UXS1: variants seen among roughly 807,000 people sequenced by gnomAD.
UXS1 encodes the protein UDP-glucuronate decarboxylase 1, also known as UDP-glucuronic acid decarboxylase 1.
UXS1 carries 33 observed loss-of-function variants against 62.6 expected under a neutral mutation model. The observed-to-expected ratio is 0.53, with a 90% confidence interval of 0.40 to 0.70. The LOEUF is 0.70. UXS1 is among the 30% of genes least tolerant of loss of function. The pLI is 0.00. For missense variants in UXS1, 434 were observed against 556.3 expected (o/e 0.78, Z 2.21); for synonymous variants, 213 against 206.8 (o/e 1.03, Z -0.26).
chr2:106,119,033 A>T (rs192305826), intron 9 of UXS1, among the ~76,000 whole-genome samples: 105 of 152,340 alleles, frequency 6.9e-4, no homozygotes, highest in African/African-American at 2.3e-3. Flanking sequence ...AAATCCTAAC[A>T]CACAAAGTTT....
chr2:106,111,998 G>A (rs1226224303), intron 10 of UXS1, among the ~76,000 whole-genome samples: 1 of 152,234 alleles, frequency 6.6e-6, no homozygotes, highest in African/African-American at 2.4e-5. Context: ...TCACCAGGCA[G>A]GCCTGGGGTG....
At chr2:106,154,398 C>T (rs1221531591) in intron 5 of UXS1, among the ~76,000 whole-genome samples, 4 of 152,188 alleles carry the variant, frequency 2.6e-5, no homozygotes, top group Non-Finnish European at 5.9e-5. Context: ...AATAGAGCCC[C>T]TACAGACATA....
chr2:106,143,648 G>A (rs1004746825), intron 6 of UXS1, among the ~76,000 whole-genome samples: 1 of 152,106 alleles, frequency 6.6e-6, no homozygotes, highest in Non-Finnish European at 1.5e-5. Context: ...TGTCAGCAGG[G>A]CTGTGTTCCT....
chr2:106,145,710 A>T (rs1681505872), intron 5 of UXS1, among the ~76,000 whole-genome samples: 1 of 152,244 alleles, frequency 6.6e-6, no homozygotes, highest in South Asian at 2.1e-4. Flanking sequence ...GATGCTGGAC[A>T]TAGCTCACGT....
Position 106,094,023 on chromosome 2 carries a change from A to C in UXS1, c.*3T>G. ...GTAGTCTTGTGTCCTAAAAGTGAGG[A>C]GTTCAGCTGTGGCGAGTCCGTCCTT... is the stretch of plus-strand genomic sequence containing the variant. On this transcript the variant is annotated 3_prime_UTR_variant, in exon 15 of 15. Coordinates refer to ENST00000283148, the MANE Select transcript of UXS1 (RefSeq NM_001253875.2). The C allele has an allele frequency of 6.2e-7, 1 of 1,606,732 alleles. No individual in the cohort carries two copies. Among genetic ancestry groups the C allele is most frequent in the Non-Finnish European group, 8.5e-7 (1 of 1,178,134 alleles).
chr2:106,157,864 T>C (rs932687736), intron 5 of UXS1, among the ~76,000 whole-genome samples, 194 bp downstream of exon 5: 1 of 152,200 alleles, frequency 6.6e-6, no homozygotes, highest in Non-Finnish European at 1.5e-5. Context: ...AAGTGACTAC[T>C]AATGAGTACA....
At chr2:106,097,562 C>A in intron 13 of UXS1, 2 of 245,884 alleles carry the variant, frequency 8.1e-6, no homozygotes, top group East Asian at 1.7e-4. Flanking sequence ...CCCCTCCCCC[C>A]AGCCTTAGGT....
At chr2:106,183,058 T>C (rs1573586290) in intron 1 of UXS1, among the ~76,000 whole-genome samples, 1 of 152,174 alleles carries the variant, frequency 6.6e-6, no homozygotes, top group Admixed American at 6.5e-5. Context: ...TGAGTTTTGC[T>C]GAGAAGCCCT....
At chr2:106,178,062 A>G (rs74341436) in intron 1 of UXS1, among the ~76,000 whole-genome samples, 116 of 152,334 alleles carry the variant, frequency 7.6e-4, no homozygotes, top group Admixed American at 2.5e-3. Context: ...AGGCGCTACT[A>G]AATTCTAGAC....
chr2:106,113,982 T>C (rs922581499), intron 9 of UXS1, among the ~76,000 whole-genome samples: 8 of 152,212 alleles, frequency 5.3e-5, no homozygotes. Context: ...TAGGCTGGCA[T>C]GGGTTGGGAA....
At position 106,152,212 on chromosome 2, in the gene UXS1, G is replaced by A. The variant is rs545263833; in HGVS notation, c.291+5846C>T. Among the ~76,000 whole-genome samples the A allele has an allele frequency of 3.1e-3, 468 of 152,240 alleles. 2 individuals are homozygous for A. The highest frequency in any genetic ancestry group is 0.017 in the Middle Eastern group (5 of 294). On this transcript the variant is annotated intron_variant, in intron 5 of 14. Transcript: ENST00000283148. Reference sequence around the variant, plus strand: ...CAAGAAAATATAAAATTCACTTTGGGAGGCTGAGGTGGACAGATAGCCTGA... The same window carrying A: ...CAAGAAAATATAAAATTCACTTTGGAAGGCTGAGGTGGACAGATAGCCTGA...
rs139249830 is a variant in UXS1 at position 106,158,582 on chromosome 2, C to A, written c.231-464G>T. Among the ~76,000 whole-genome samples, 6 of 152,224 alleles carry A rather than the reference C, an allele frequency of 3.9e-5. No homozygotes were observed. In the East Asian group the frequency reaches 1.2e-3, roughly 29 times the overall value. The stretch of plus-strand genomic sequence containing the variant: ...TATTTTAGTGCAGAGGCCAATATAA[C>A]TAGGAGAGGAATTTATAGTTAAACG... On this transcript the variant is annotated intron_variant, in intron 4 of 14. Coordinates refer to ENST00000283148, the MANE Select transcript of UXS1 (RefSeq NM_001253875.2).
chr2:106,175,874 C>T (rs531142896), intron 1 of UXS1, among the ~76,000 whole-genome samples: 114 of 152,318 alleles, frequency 7.5e-4, no homozygotes, highest in African/African-American at 2.7e-3. Context: ...CTGTTTTCTG[C>T]CACTATGTTT....
intron 5 of UXS1, among the ~76,000 whole-genome samples, chr2:106,156,937 C>G (rs1045292112): frequency 2.0e-5 from 3 of 152,130 alleles, no homozygotes; most frequent in Admixed American, 6.6e-5. Context: ...AATACTGATA[C>G]AAGCTACAAC....
chr2:106,140,839 G>A (rs975203506), intron 6 of UXS1, among the ~76,000 whole-genome samples: 8 of 152,066 alleles, frequency 5.3e-5, no homozygotes, highest in South Asian at 2.1e-4. Flanking sequence ...GTCTTCCCAC[G>A]ACACAATGCA....
intron 5 of UXS1, among the ~76,000 whole-genome samples, chr2:106,151,402 G>T (rs897410340): frequency 1.3e-5 from 2 of 152,088 alleles, no homozygotes; most frequent in Non-Finnish European, 2.9e-5. Context: ...TGGGCTATGA[G>T]GGCCCCACCC....
At position 106,181,720 on chromosome 2, in the gene UXS1, AAAAT is replaced by A. The variant is rs375788941; in HGVS notation, c.94+12424_94+12427del. Among the ~76,000 whole-genome samples the A allele has an allele frequency of 2.4e-4, 37 of 152,348 alleles. No individual in the cohort carries two copies. The East Asian group carries it at 6.4e-3, about 26-fold the overall frequency. ...TACAGAGTGAGACTCCATCTCAAAA[AAAAT>A]AAATAAATTTTTTTAAAAATCCATA... On this transcript the variant is annotated intron_variant, in intron 1 of 14. Coordinates refer to ENST00000283148, the MANE Select transcript of UXS1 (RefSeq NM_001253875.2).
intron 9 of UXS1, among the ~76,000 whole-genome samples, chr2:106,119,339 A>G (rs1347960281): frequency 6.6e-6 from 1 of 152,180 alleles, no homozygotes; most frequent in African/African-American, 2.4e-5. Flanking sequence ...CCCCACAGGT[A>G]GCCAGCTGAA....
At chr2:106,109,049 G>C (rs1264384138) in intron 10 of UXS1, among the ~76,000 whole-genome samples, 1 of 152,030 alleles carries the variant, frequency 6.6e-6, no homozygotes, top group Non-Finnish European at 1.5e-5. Context: ...CTGTTAGGTT[G>C]GTTTAGCTAG....
Sources: gnomAD v4.1 joint callset for allele counts (sites outside exome capture counted in the v4.1 genomes callset) on GRCh38, gnomAD v4.1.1 for gene constraint, MANE v1.5 for transcripts, NCBI Gene and HGNC (gene_info 2026-07-23, HGNC 2026-07-21) for gene names.